TP53INP1: variants seen among roughly 807,000 people sequenced by gnomAD.
TP53INP1 encodes tumor protein p53 inducible nuclear protein 1, also known as tumor protein p53-inducible nuclear protein 1.
TP53INP1 carries 12 observed loss-of-function variants against 21.0 expected under a neutral mutation model. That is an observed-to-expected ratio of 0.57 (90% CI 0.37 to 0.93). The LOEUF (loss-of-function observed/expected upper bound fraction) is 0.93. Among genes scored for constraint, TP53INP1 ranks in the 40% least tolerant of loss-of-function variants. The pLI is 0.01. For synonymous variants in TP53INP1, 91 were observed against 94.8 expected (o/e 0.96, Z 0.23); for missense variants, 274 against 294.7 (o/e 0.93, Z 0.51).
rs773733025 is a variant in TP53INP1 at position 94,930,541 on chromosome 8, G to A, written c.661C>T (p.Arg221Trp). The A allele has an allele frequency of 4.3e-6, 7 of 1,614,106 alleles. No homozygotes were observed. Among genetic ancestry groups the A allele is most frequent in the Admixed American group, 1.7e-5 (1 of 60,008 alleles). Residue 221 changes from arginine (R) to tryptophan (W), a missense_variant, in exon 4 of 4, where the codon CGG (arginine) becomes TGG (tryptophan). Physicochemically the swap from Arg to Trp is moderately radical, Grantham distance 101. Transcript: ENST00000342697. ...ACCCAGCCATTGTGCTTGACTTGCC[G>A]AGGGTGGCAATCCCTGGTAAGATTT... The part of the protein sequence containing the change: ...RQNLTRDCHP[R>W]QVKHNGWVVH...
intron 3 of TP53INP1, chr8:94,931,971 C>T: frequency 1.6e-6 from 2 of 1,262,384 alleles, no homozygotes; most frequent in Non-Finnish European, 2.2e-6. Flanking sequence ...GACTCCATCT[C>T]AAAAAAAGAA....
chr8:94,945,873 C>T (rs996301576), intron 1 of TP53INP1, among the ~76,000 whole-genome samples: 6 of 152,122 alleles, frequency 3.9e-5, no homozygotes, highest in Non-Finnish European at 4.4e-5. Context: ...AGAAAAGAAC[C>T]CCTCAATACA....
chr8:94,938,249 C>A (rs1410244539), intron 3 of TP53INP1, among the ~76,000 whole-genome samples: 1 of 152,152 alleles, frequency 6.6e-6, no homozygotes, highest in Non-Finnish European at 1.5e-5. Context: ...TCATACAGTA[C>A]GATGATGGAT....
At position 94,930,366 on chromosome 8, in the gene TP53INP1, A is replaced by G; in HGVS notation, c.*113T>C. On this transcript the variant is annotated 3_prime_UTR_variant, in exon 4 of 4. Transcript: ENST00000342697. The stretch of plus-strand genomic sequence containing the variant: ...AGTGTCTAAATACACTGATAAAACT[A>G]TGTGATTGGTTATCAATTGGTTGTA... 2.1e-6 allele frequency: 3 copies of G among 1,419,874 alleles called. No individual in the cohort carries two copies. The highest frequency in any genetic ancestry group is 2.9e-6 in the Non-Finnish European group (3 of 1,036,458). 88.0% of individuals were successfully genotyped at this position (1,419,874 alleles called of 1,614,324 possible). A position where few individuals can be genotyped will look rare whatever the true frequency, so the allele number is the denominator to read the frequency against.
chr8:94,943,682 T>C (rs1821753252), intron 1 of TP53INP1, among the ~76,000 whole-genome samples: 1 of 152,246 alleles, frequency 6.6e-6, no homozygotes, highest in Admixed American at 6.5e-5. Flanking sequence ...CAGTTCCTTG[T>C]GTGTAAACTG....
At chr8:94,939,767 T>C in intron 3 of TP53INP1, 93 bp downstream of exon 3, 1 of 1,522,980 alleles carries the variant, frequency 6.6e-7, no homozygotes, top group Non-Finnish European at 8.8e-7. Context: ...AAAATTAGTT[T>C]TGCATCTTCT....
intron 1 of TP53INP1, among the ~76,000 whole-genome samples, chr8:94,942,745 A>G (rs552751663): frequency 6.6e-6 from 1 of 152,326 alleles, no homozygotes; most frequent in South Asian, 2.1e-4. Flanking sequence ...GACTCCTGCA[A>G]TGACTTTACT....
chr8:94,949,223 C>A lies in TP53INP1; in HGVS notation c.-220G>T, dbSNP rs1460294752. 1 of 150,158 alleles carries A rather than the reference C, an allele frequency of 6.7e-6. No individual in the cohort carries two copies. The highest frequency in any genetic ancestry group is 1.5e-5 in the Non-Finnish European group (1 of 67,230). The allele number at this position is 150,158 out of a possible 1,614,324, so 9.3% of individuals were successfully genotyped here. On this transcript the variant is annotated 5_prime_UTR_variant, in exon 1 of 4. Coordinates refer to ENST00000342697, the MANE Select transcript of TP53INP1 (RefSeq NM_033285.4). ...CCGGCTCGGCGGGGAAGGACGCGGG[C>A]GGGGCGGGACTGCTGAGGTAGCTGC...
intron 1 of TP53INP1, among the ~76,000 whole-genome samples, chr8:94,946,157 T>C (rs1460215823): frequency 2.0e-5 from 3 of 152,112 alleles, no homozygotes; most frequent in Non-Finnish European, 4.4e-5. Context: ...AGTTATAGTC[T>C]TGTGAATGCA....
chr8:94,930,807 A>G, intron 3 of TP53INP1, 79 bp from the exon 4 acceptor site: 2 of 1,474,476 alleles, frequency 1.4e-6, no homozygotes, highest in East Asian at 2.3e-5. Flanking sequence ...TTAGCAATTC[A>G]ATTTGCCACG....
chr8:94,931,278 T>G (rs2131313742), intron 3 of TP53INP1, among the ~76,000 whole-genome samples: 1 of 152,354 alleles, frequency 6.6e-6, no homozygotes, highest in East Asian at 1.9e-4. Context: ...TCTACTCATT[T>G]GCCATTTTTC....
intron 3 of TP53INP1, chr8:94,939,586 C>T (rs557715862): frequency 2.9e-5 from 11 of 376,274 alleles, no homozygotes; most frequent in Middle Eastern, 8.7e-4. Flanking sequence ...TTTGTACAGA[C>T]GGGGTTTCAC....
At chr8:94,931,609 C>CACATAT (rs146282014) in intron 3 of TP53INP1, among the ~76,000 whole-genome samples, 1 of 151,562 alleles carries the variant, frequency 6.6e-6, no homozygotes, top group Non-Finnish European at 1.5e-5. Flanking sequence ...CACACACACA[C>CACATAT]ATAAAATTTT....
At chr8:94,943,881 G>T (rs1279785799) in intron 1 of TP53INP1, among the ~76,000 whole-genome samples, 2 of 152,184 alleles carry the variant, frequency 1.3e-5, no homozygotes, top group African/African-American at 4.8e-5. Context: ...AATCATGAAG[G>T]CTGGAGCTGT....
intron 2 of TP53INP1, 45 bp from the exon 3 acceptor site, chr8:94,940,265 T>G (rs1821400141): frequency 2.6e-6 from 4 of 1,541,746 alleles, no homozygotes; most frequent in African/African-American, 1.4e-5. Flanking sequence ...TGTTGAAGAG[T>G]CCCACAGGAG....
At chr8:94,944,448 G>A (rs1821816378) in intron 1 of TP53INP1, among the ~76,000 whole-genome samples, 1 of 152,246 alleles carries the variant, frequency 6.6e-6, no homozygotes. Context: ...ATATATGCAA[G>A]TAGCAAGTAA....
chr8:94,935,042 A>C lies in TP53INP1; in HGVS notation c.474-4314T>G, dbSNP rs184300380. On this transcript the variant is annotated intron_variant, in intron 3 of 3. Transcript: ENST00000342697. ...TATGGCAAACTCTGGTAAAGTTAAT[A>C]AATTAATGTGCTGCCTAGGGTTTGT... Among the ~76,000 whole-genome samples, 618 of 152,246 alleles carry C rather than the reference A, an allele frequency of 4.1e-3. 3 individuals carry two copies. Among genetic ancestry groups the C allele is most frequent in the African/African-American group, 0.014 (586 of 41,530 alleles).
chr8:94,940,680 G>T, intron 2 of TP53INP1, 150 bp downstream of exon 2: 1 of 620,380 alleles, frequency 1.6e-6, no homozygotes, highest in Non-Finnish European at 2.8e-6. Context: ...ATCTAGCACA[G>T]ATGGTTTCCT....
chr8:94,941,523 T>A (rs973800443), intron 1 of TP53INP1, among the ~76,000 whole-genome samples: 28 of 152,242 alleles, frequency 1.8e-4, no homozygotes, highest in Non-Finnish European at 2.5e-4. Flanking sequence ...TTTTCTCTTC[T>A]ACTCTGTACT....
Sources: gnomAD v4.1 joint callset for allele counts (sites outside exome capture counted in the v4.1 genomes callset) on GRCh38, gnomAD v4.1.1 for gene constraint, MANE v1.5 for transcripts, NCBI Gene and HGNC (gene_info 2026-07-23, HGNC 2026-07-21) for gene names.